SRBD1: variants seen among roughly 807,000 people sequenced by gnomAD.
SRBD1 encodes S1 RNA-binding domain-containing protein 1.
A neutral mutation model predicts 115.3 loss-of-function variants in SRBD1; 88 were observed. The observed-to-expected ratio is 0.76, with a 90% CI of 0.64 to 0.91. The LOEUF is 0.91. Ranked by LOEUF, SRBD1 falls within the 40% of genes least tolerant of loss-of-function variation. SRBD1 has a pLI of 0.00. For synonymous variants in SRBD1, 509 were observed against 407.7 expected (o/e 1.25, Z -2.99); for missense variants, 1,385 against 1,177.4 (o/e 1.18, Z -2.58).
At chr2:45,472,246 T>C (rs546151806) in intron 16 of SRBD1, among the ~76,000 whole-genome samples, 5 of 152,324 alleles carry the variant, frequency 3.3e-5, no homozygotes, top group African/African-American at 1.2e-4. Flanking sequence ...AAAACCCACA[T>C]ATTGTATGAT....
Position 45,599,524 on chromosome 2 carries a change from CT to C in SRBD1, c.572del (p.Gln191ArgfsTer20), listed in dbSNP as rs768026653. 14 of 1,614,088 alleles carry C rather than the reference CT, an allele frequency of 8.7e-6. No homozygotes were observed. The highest frequency in any genetic ancestry group is 1.1e-5 in the Non-Finnish European group (13 of 1,180,046). Reference sequence around the variant, plus strand: ...TTGCTGGAAACTTGACAGGCTGCCCCTGAGGATATGTCTCAGTCTTGATTTT... The same window carrying C: ...TTGCTGGAAACTTGACAGGCTGCCCCGAGGATATGTCTCAGTCTTGATTTT... ...LKKIKTETYP[Q>X]GQPVKFPANA... On this transcript the variant is annotated frameshift_variant, in exon 4 of 21. Transcript: ENST00000263736. LOFTEE classifies it high-confidence loss of function.
At chr2:45,457,794 G>A (rs970943145) in intron 16 of SRBD1, among the ~76,000 whole-genome samples, 1 of 151,864 alleles carries the variant, frequency 6.6e-6, no homozygotes, top group South Asian at 2.1e-4. Context: ...AATTTGACAC[G>A]TGCATTTAAA....
chr2:45,509,598 AACACACACACACACACAC>A (rs1179307941), intron 14 of SRBD1, among the ~76,000 whole-genome samples: 46 of 125,440 alleles, frequency 3.7e-4, no homozygotes, highest in African/African-American at 3.9e-4. Flanking sequence ...TCCGTCTCAA[AACACACACACACACACAC>A]ACACACACAC....
At chr2:45,414,361 G>C (rs539309458) in intron 18 of SRBD1, among the ~76,000 whole-genome samples, 205 of 152,000 alleles carry the variant, frequency 1.3e-3, no homozygotes, top group African/African-American at 4.7e-3. Context: ...CACAAAAACT[G>C]ATTAAATTAA....
Position 45,389,570 on chromosome 2 carries a change from T to C in SRBD1, c.2728A>G (p.Ile910Val), listed in dbSNP as rs1247688638. ...ATCTGCAGATCTTCCAGGCATACTA[T>C]GCTTCTCTTGAAATCAGGTTTATCA... ...DFDKPDFKRS[I>V]VCLEDLQIGT... The change falls in exon 21 of 21, where the codon ATA becomes GTA. Residue 910 changes from isoleucine to valine, a missense_variant. Ile to Val is a conservative substitution (Grantham distance 29, BLOSUM62 3). Coordinates refer to ENST00000263736, the MANE Select transcript of SRBD1 (RefSeq NM_018079.5). 1.2e-6 allele frequency: 2 copies of C among 1,613,588 alleles called. No homozygotes were observed. The highest frequency in any genetic ancestry group is 2.2e-5 in the East Asian group (1 of 44,866).
chr2:45,417,300 CA>C (rs1468967468), intron 18 of SRBD1, among the ~76,000 whole-genome samples: 8 of 152,168 alleles, frequency 5.3e-5, no homozygotes, highest in African/African-American at 1.4e-4. Flanking sequence ...CAGCTTCCTT[CA>C]CACATATTGA....
At chr2:45,434,787 A>G (rs754352638) in intron 16 of SRBD1, among the ~76,000 whole-genome samples, 11 of 148,938 alleles carry the variant, frequency 7.4e-5, no homozygotes, top group Non-Finnish European at 1.3e-4. Context: ...TTTTTTAATT[A>G]TACTTTAAGT....
At chr2:45,520,901 G>A (rs551862172) in intron 14 of SRBD1, among the ~76,000 whole-genome samples, 2 of 152,316 alleles carry the variant, frequency 1.3e-5, no homozygotes, top group African/African-American at 2.4e-5. Flanking sequence ...CTTCCAGGAT[G>A]TTGGACAACA....
chr2:45,595,042 C>A (rs1199056284), intron 4 of SRBD1, among the ~76,000 whole-genome samples: 7 of 152,170 alleles, frequency 4.6e-5, no homozygotes, highest in Non-Finnish European at 1.0e-4. Flanking sequence ...AACCAACCCC[C>A]CTGCTTAATT....
intron 19 of SRBD1, among the ~76,000 whole-genome samples, chr2:45,402,962 G>A (rs1667330885): frequency 6.6e-6 from 1 of 152,100 alleles, no homozygotes; most frequent in Admixed American, 6.6e-5. Context: ...GGCTGTTTCT[G>A]GGTCTCATTC....
At chr2:45,535,207 C>T (rs1275601226) in intron 14 of SRBD1, among the ~76,000 whole-genome samples, 1 of 151,972 alleles carries the variant, frequency 6.6e-6, no homozygotes, top group Non-Finnish European at 1.5e-5. Context: ...ATTAGCTAAT[C>T]AACATCTTTT....
intron 19 of SRBD1, among the ~76,000 whole-genome samples, chr2:45,403,531 C>T (rs1331654279): frequency 4.6e-5 from 7 of 152,102 alleles, no homozygotes; most frequent in African/African-American, 9.7e-5. Context: ...AAAACAGGCT[C>T]TTATGATCCA....
chr2:45,423,854 A>G (rs868084287), intron 16 of SRBD1, among the ~76,000 whole-genome samples: 3 of 152,162 alleles, frequency 2.0e-5, no homozygotes, highest in African/African-American at 4.8e-5. Context: ...CACGACATAC[A>G]TATAATGTAT....
chr2:45,494,126 AATT>A (rs1476106061), intron 14 of SRBD1, among the ~76,000 whole-genome samples: 1 of 152,210 alleles, frequency 6.6e-6, no homozygotes, highest in African/African-American at 2.4e-5. Flanking sequence ...TTTCATTAAG[AATT>A]ATTATTGTAA....
intron 14 of SRBD1, among the ~76,000 whole-genome samples, chr2:45,535,390 T>C (rs559027635): frequency 5.3e-5 from 8 of 152,186 alleles, no homozygotes; most frequent in African/African-American, 1.9e-4. Flanking sequence ...CCAGTGGTTA[T>C]TTTTCTACTG....
chr2:45,554,070 T>C (rs571244805), intron 10 of SRBD1, among the ~76,000 whole-genome samples: 14 of 152,282 alleles, frequency 9.2e-5, no homozygotes, highest in South Asian at 2.1e-4. Context: ...ACAGACTGAA[T>C]TGTGTCCCTC....
At chr2:45,441,680 A>C (rs55933811) in intron 16 of SRBD1, among the ~76,000 whole-genome samples, 14,783 of 152,234 alleles carry the variant, frequency 0.097, 1,092 homozygotes, top group African/African-American at 0.2. Context: ...CTTCTTGCTG[A>C]AGCTGGGAAT....
At chr2:45,477,202 G>T in intron 15 of SRBD1, 127 bp from the exon 16 acceptor site, 2 of 670,986 alleles carry the variant, frequency 3.0e-6, no homozygotes, top group Admixed American at 6.3e-5. Flanking sequence ...TCTAAAAAAG[G>T]CCAACAATTT....
chr2:45,393,989 T>A (rs1184879156), intron 19 of SRBD1, among the ~76,000 whole-genome samples: 1 of 152,200 alleles, frequency 6.6e-6, no homozygotes, highest in Non-Finnish European at 1.5e-5. Context: ...GAGCCTCATA[T>A]AAACTAAATT....
Sources: gnomAD v4.1 joint callset for allele counts (sites outside exome capture counted in the v4.1 genomes callset) on GRCh38, gnomAD v4.1.1 for gene constraint, MANE v1.5 for transcripts, NCBI Gene and HGNC (gene_info 2026-07-23, HGNC 2026-07-21) for gene names.